Variants in MAPK4 observed in about 807,000 individuals in gnomAD.
The protein encoded by MAPK4 is Erk3-related.
Under a neutral mutation model 47.7 loss-of-function variants are expected in MAPK4, and 22 were observed. That is an observed-to-expected ratio of 0.46 (90% CI 0.33 to 0.66). The LOEUF (loss-of-function observed/expected upper bound fraction) is 0.66. MAPK4 is among the 30% of genes least tolerant of loss of function. The probability of loss-of-function intolerance (pLI) is 0.02; values close to 1 mark genes in which losing one functional copy is unlikely to be tolerated. For synonymous variants in MAPK4, 390 were observed against 365.7 expected, an observed-to-expected ratio of 1.07 and a Z score of -0.76; for missense variants, 736 against 831.7, an observed-to-expected ratio of 0.88 and a Z score of 1.42.
intron 2 of MAPK4, among the ~76,000 whole-genome samples, chr18:50,668,329 G>A (rs903497712): frequency 1.3e-5 from 2 of 152,168 alleles, no homozygotes; most frequent in African/African-American, 2.4e-5. Flanking sequence ...TCTCATGGGT[G>A]GACAGTATGT....
intron 1 of MAPK4, among the ~76,000 whole-genome samples, chr18:50,617,041 A>G (rs1251864419): frequency 1.3e-5 from 2 of 152,178 alleles, no homozygotes; most frequent in Admixed American, 6.5e-5. Flanking sequence ...TACCACCACC[A>G]TCAACTTTAT....
chr18:50,704,593 A>G, intron 2 of MAPK4: 1 of 398,686 alleles, frequency 2.5e-6, no homozygotes, highest in Non-Finnish European at 4.4e-6. Context: ...GGGAGAAGTC[A>G]GGGAAGTTCC....
rs116470931 is a variant in MAPK4 at position 50,678,342 on chromosome 18, C to A, written c.546+13838C>A. Among the ~76,000 whole-genome samples the A allele has an allele frequency of 0.013, 2,005 of 152,252 alleles. 46 individuals are homozygous for A. Among genetic ancestry groups the A allele is most frequent in the African/African-American group, 0.045 (1,889 of 41,544 alleles). On this transcript the variant is annotated intron_variant, in intron 2 of 5. Coordinates refer to ENST00000400384, the MANE Select transcript of MAPK4 (RefSeq NM_002747.4). The surrounding 1 kb of genome is among the most constrained non-coding windows in gnomAD (Gnocchi z 4.2). ...AAATGTTGACACATTTGCAATTTGG[C>A]CAAAGCCTGCCTCTAGTACTGTGGT...
chr18:50,698,970 A>T (rs1284402265), intron 2 of MAPK4, among the ~76,000 whole-genome samples: 1 of 152,180 alleles, frequency 6.6e-6, no homozygotes, highest in Non-Finnish European at 1.5e-5. Flanking sequence ...GGCTGCAGTG[A>T]GTCAAGATCG....
intron 1 of MAPK4, among the ~76,000 whole-genome samples, chr18:50,602,822 C>G (rs978265012): frequency 3.3e-5 from 5 of 152,158 alleles, no homozygotes; most frequent in African/African-American, 1.2e-4. Flanking sequence ...GTACTGTGCT[C>G]TAGGCCAACT....
At chr18:50,624,195 T>C (rs2042756301) in intron 1 of MAPK4, among the ~76,000 whole-genome samples, 1 of 152,232 alleles carries the variant, frequency 6.6e-6, no homozygotes, top group Non-Finnish European at 1.5e-5. Context: ...AACACAATGC[T>C]GGGGACAGAG....
At chr18:50,562,920 A>G (rs2042166698) in intron 1 of MAPK4, among the ~76,000 whole-genome samples, 1 of 152,162 alleles carries the variant, frequency 6.6e-6, no homozygotes, top group South Asian at 2.1e-4. Flanking sequence ...TTCTCTTATC[A>G]GACATTGAGA....
chr18:50,612,035 T>C (rs2042641246), intron 1 of MAPK4, among the ~76,000 whole-genome samples: 1 of 152,228 alleles, frequency 6.6e-6, no homozygotes, highest in Non-Finnish European at 1.5e-5. Context: ...GATAAGGTCA[T>C]AGACTATTTC....
chr18:50,566,863 T>A (rs556031555), intron 1 of MAPK4, among the ~76,000 whole-genome samples: 6 of 152,364 alleles, frequency 3.9e-5, no homozygotes, highest in African/African-American at 1.4e-4. Context: ...CCGGTGATCC[T>A]GTGATACTTT....
At chr18:50,575,428 T>TG (rs2042286416) in intron 1 of MAPK4, among the ~76,000 whole-genome samples, 1 of 152,216 alleles carries the variant, frequency 6.6e-6, no homozygotes, top group South Asian at 2.1e-4. Context: ...GGCACCTGAG[T>TG]GCTCAAAAGC....
At chr18:50,703,143 A>G (rs143551285) in intron 2 of MAPK4, among the ~76,000 whole-genome samples, 195 of 152,246 alleles carry the variant, frequency 1.3e-3, no homozygotes, top group African/African-American at 4.0e-3. Context: ...ACCCCTCTCA[A>G]ATTGATCTCA....
chr18:50,614,025 T>G (rs149480395), intron 1 of MAPK4, among the ~76,000 whole-genome samples: 175 of 152,300 alleles, frequency 1.1e-3, no homozygotes, highest in Admixed American at 5.7e-3. Flanking sequence ...TATAGTGACA[T>G]GTGGAAAGCT....
At chr18:50,717,251 G>A (rs924601993) in intron 3 of MAPK4, among the ~76,000 whole-genome samples, 42 of 152,322 alleles carry the variant, frequency 2.8e-4, no homozygotes, top group African/African-American at 9.9e-4. Context: ...TCTGAAGCGA[G>A]TATCAGAGTG....
intron 1 of MAPK4, among the ~76,000 whole-genome samples, chr18:50,597,938 G>A (rs542109469): frequency 6.6e-6 from 1 of 152,216 alleles, no homozygotes; most frequent in Non-Finnish European, 1.5e-5. Context: ...ACATATTAAA[G>A]CATCTCTATC....
chr18:50,730,157 T>A lies in MAPK4; in HGVS notation c.*303T>A. On this transcript the variant is annotated 3_prime_UTR_variant, in exon 6 of 6. Transcript: ENST00000400384. ...TAGACAGCAGTCTGCGGGCCCCACC[T>A]GGGTGGCAGGATGCCGAGAAATCTT... The A allele has an allele frequency of 3.8e-6, 1 of 262,966 alleles. No individual in the cohort carries two copies. The highest frequency in any genetic ancestry group is 7.2e-6 in the Non-Finnish European group (1 of 139,198). 16.3% of individuals were successfully genotyped at this position (262,966 alleles called of 1,614,324 possible).
chr18:50,654,913 T>C (rs928726278), intron 1 of MAPK4, among the ~76,000 whole-genome samples: 1 of 152,220 alleles, frequency 6.6e-6, no homozygotes, highest in Non-Finnish European at 1.5e-5. Flanking sequence ...TACGTAATTT[T>C]CAAAAGGAAA....
chr18:50,694,158 G>A (rs1199514815), intron 2 of MAPK4, among the ~76,000 whole-genome samples: 5 of 152,164 alleles, frequency 3.3e-5, no homozygotes. Context: ...TGCATACTGC[G>A]GTAAATCTGC....
Position 50,664,505 on chromosome 18 carries a change from G to T in MAPK4, c.546+1G>T, listed in dbSNP as rs1004785043. 3 of 1,578,224 alleles carry T rather than the reference G, an allele frequency of 1.9e-6. No individual in the cohort carries two copies. The highest frequency in any genetic ancestry group is 2.6e-6 in the Non-Finnish European group (3 of 1,158,316). On this transcript the variant is annotated splice_donor_variant, in intron 2 of 5. Coordinates refer to ENST00000400384, the MANE Select transcript of MAPK4 (RefSeq NM_002747.4). LOFTEE classifies it high-confidence loss of function. The surrounding 1 kb of genome is among the most constrained non-coding windows in gnomAD (Gnocchi z 6.0). The stretch of plus-strand genomic sequence containing the variant: ...CGTTGATCAGCATTACTCCCACAAG[G>T]TATGTCTGGCTGGAATGGCGGATAC...
chr18:50,704,193 G>A (rs954341730), intron 2 of MAPK4, among the ~76,000 whole-genome samples: 2 of 152,102 alleles, frequency 1.3e-5, no homozygotes, highest in African/African-American at 4.8e-5. Flanking sequence ...ACCCATCTAA[G>A]TTCTACCTCA....
Sources: allele counts gnomAD v4.1 joint callset (sites outside exome capture counted in the v4.1 genomes callset), GRCh38; gene constraint gnomAD v4.1.1; non-coding constraint Gnocchi (gnomAD v3.1); transcripts MANE v1.5; gene names NCBI Gene and HGNC (gene_info 2026-07-23, HGNC 2026-07-21).